The following AP2A2 variants were observed in gnomAD, a reference collection of about 807,000 sequenced individuals.
AP2A2 encodes adaptor related protein complex 2 subunit alpha 2.
AP2A2 carries 32 observed loss-of-function variants against 104.2 expected under a neutral mutation model. That is an observed-to-expected ratio of 0.31 (90% CI 0.23 to 0.41). The LOEUF is 0.41. Among genes scored for constraint, AP2A2 ranks in the 10% least tolerant of loss-of-function variants. The probability of loss-of-function intolerance (pLI) is 1.00; values close to 1 mark genes in which losing one functional copy is unlikely to be tolerated. For missense variants in AP2A2, 912 were observed against 1,261.0 expected (o/e 0.72, Z 4.19); for synonymous variants, 539 against 533.3 (o/e 1.01, Z -0.15).
At chr11:991,106 G>T (rs1564813546) in intron 10 of AP2A2, among the ~76,000 whole-genome samples, 2 of 146,646 alleles carry the variant, frequency 1.4e-5, no homozygotes, top group East Asian at 2.1e-4. Flanking sequence ...GCCGGGTATG[G>T]TGCTCCCCTC....
chr11:962,425 C>T (rs1159800290), intron 2 of AP2A2, among the ~76,000 whole-genome samples: 1 of 152,128 alleles, frequency 6.6e-6, no homozygotes, highest in Non-Finnish European at 1.5e-5. Flanking sequence ...AAAGACTTTG[C>T]TAGGCTGTTA....
intron 1 of AP2A2, among the ~76,000 whole-genome samples, chr11:931,999 C>G (rs1227985949): frequency 6.6e-6 from 1 of 151,706 alleles, no homozygotes; most frequent in Non-Finnish European, 1.5e-5. Flanking sequence ...CAGGGTTTCA[C>G]TGTATTAGCC....
intron 1 of AP2A2, among the ~76,000 whole-genome samples, chr11:954,532 CTG>C (rs751930800): frequency 3.3e-5 from 5 of 151,540 alleles, no homozygotes; most frequent in East Asian, 3.9e-4. Context: ...TTCTGTGTAT[CTG>C]TGTATTTGTA....
At chr11:936,206 C>CTTTTTTT (rs982315120) in intron 1 of AP2A2, among the ~76,000 whole-genome samples, 1 of 110,050 alleles carries the variant, frequency 9.1e-6, no homozygotes, top group African/African-American at 3.5e-5. Context: ...TGCGCCTGGC[C>CTTTTTTT]TTTTTTTTTT....
Position 994,206 on chromosome 11 carries a change from C to G in AP2A2, c.1917C>G (p.Asn639Lys). 6.2e-7 allele frequency: 1 copy of G among 1,612,888 alleles called. No individual in the cohort carries two copies. The highest frequency in any genetic ancestry group is 8.5e-7 in the Non-Finnish European group (1 of 1,179,840). The change falls in exon 14 of 22, where the codon AAC becomes AAG. Residue 639 changes from asparagine to lysine, a missense_variant. Asn to Lys is a moderately conservative substitution (Grantham distance 94). Coordinates refer to ENST00000448903, the MANE Select transcript of AP2A2 (RefSeq NM_012305.4). ...DTKRDRSVDV[N>K]GGPEPAPAST... ...AGCGGGACAGGAGTGTGGACGTGAA[C>G]GGGGGTCCTGAGCCTGCCCCAGCCA... is the stretch of plus-strand genomic sequence containing the variant.
chr11:937,583 C>T (rs999474035), intron 1 of AP2A2, among the ~76,000 whole-genome samples: 4 of 152,142 alleles, frequency 2.6e-5, no homozygotes, highest in South Asian at 2.1e-4. Flanking sequence ...GCAGCCTGGG[C>T]GACAGGATGA....
chr11:970,608 G>A (rs116229346), intron 3 of AP2A2, among the ~76,000 whole-genome samples: 2,245 of 152,358 alleles, frequency 0.015, 47 homozygotes, highest in African/African-American at 0.051. Context: ...TCCTTTCTTT[G>A]CAACCTCCCT....
chr11:1,011,146 G>A lies in AP2A2; in HGVS notation c.*521G>A, dbSNP rs1159067907. The A allele has an allele frequency of 1.8e-6, 1 of 552,490 alleles. No homozygotes were observed. Among genetic ancestry groups the A allele is most frequent in the Non-Finnish European group, 3.5e-6 (1 of 282,516 alleles). 34.2% of individuals were successfully genotyped at this position (552,490 alleles called of 1,614,324 possible). On this transcript the variant is annotated 3_prime_UTR_variant, in exon 22 of 22. Coordinates refer to ENST00000448903, the MANE Select transcript of AP2A2 (RefSeq NM_012305.4). ...AGTCCCAGCTGGACTGTTTTCCCAG[G>A]CAGGATTTTAATCTAGAATTTAGAA...
At chr11:988,157 G>A (rs546685291) in intron 9 of AP2A2, among the ~76,000 whole-genome samples, 37 of 152,364 alleles carry the variant, frequency 2.4e-4, no homozygotes, top group African/African-American at 8.2e-4. Context: ...GGGGCGTGAG[G>A]ACCTGCCTTG....
chr11:995,282 A>G (rs1590009844), intron 14 of AP2A2: 6 of 455,544 alleles, frequency 1.3e-5, no homozygotes, highest in Admixed American at 2.4e-5. Context: ...TTTTCCTTGT[A>G]TGTGTGATGC....
chr11:929,656 C>T (rs1469356604), intron 1 of AP2A2, among the ~76,000 whole-genome samples: 2 of 152,136 alleles, frequency 1.3e-5, no homozygotes, highest in African/African-American at 4.8e-5. Context: ...ATTAGCCAGG[C>T]GTGGTGGCAC....
At chr11:997,875 A>C (rs1314684882) in intron 14 of AP2A2, among the ~76,000 whole-genome samples, 1 of 152,270 alleles carries the variant, frequency 6.6e-6, no homozygotes, top group Non-Finnish European at 1.5e-5. Flanking sequence ...ACTGCACTCC[A>C]GCCTGGGTAA....
At position 1,010,578 on chromosome 11, in the gene AP2A2, G is replaced by C; in HGVS notation, c.2773G>C (p.Glu925Gln). ...CCGGCTCACGCTGCGCACAAGTAAG[G>C]AAGCCGTTTCTCAGAGATTATGTGA... ...MYRLTLRTSKEAVSQRLCELL... is the reference protein window; with the variant it reads ...MYRLTLRTSKQAVSQRLCELL... Residue 925 changes from glutamate to glutamine, a missense_variant, in exon 22 of 22, where the codon GAA (glutamate) becomes CAA (glutamine). Glu to Gln is a conservative substitution (Grantham distance 29, BLOSUM62 2). This residue lies in a region of AP2A2 where 239 missense variants were observed against 329.8 expected (regional missense o/e 0.72). Transcript: ENST00000448903. 6.3e-7 allele frequency: 1 copy of C among 1,599,174 alleles called. No homozygotes were observed. Among genetic ancestry groups the C allele is most frequent in the Non-Finnish European group, 8.5e-7 (1 of 1,173,184 alleles).
At position 984,859 on chromosome 11, in the gene AP2A2, T is replaced by C. The variant is rs80291651; in HGVS notation, c.814+106T>C. On this transcript the variant is annotated intron_variant, in intron 7 of 21. Coordinates refer to ENST00000448903, the MANE Select transcript of AP2A2 (RefSeq NM_012305.4). ...ATTTTAAGAAGTGTGTTACTAGCCC[T>C]GTCTCTTGATTCATGGACCTTTCTG... 1.8e-3 allele frequency: 1,738 copies of C among 973,744 alleles called. 26 individuals carry two copies. The highest frequency in any genetic ancestry group is 2.2e-3 in the East Asian group (90 of 41,596). 60.3% of individuals were successfully genotyped at this position (973,744 alleles called of 1,614,324 possible).
rs373125267 is a variant in AP2A2 at position 940,590 on chromosome 11, ATC to A, written c.67+14504_67+14505del. ...ACCCAAGTGCCCCTTTTTTGGTGGCATCTGTTTCTTTAAGCTGTATTTTATCT... is the reference window on the plus strand; with the variant it reads ...ACCCAAGTGCCCCTTTTTTGGTGGCATGTTTCTTTAAGCTGTATTTTATCT... On this transcript the variant is annotated intron_variant, in intron 1 of 21. Transcript: ENST00000448903. 7.4e-4 allele frequency: 201 copies of A among 270,610 alleles called. 2 individuals are homozygous for A. The highest frequency in any genetic ancestry group is 4.3e-3 in the African/African-American group (193 of 45,234). 16.8% of individuals were successfully genotyped at this position (270,610 alleles called of 1,614,324 possible). A position where few individuals can be genotyped will look rare whatever the true frequency, so the allele number is the denominator to read the frequency against.
intron 6 of AP2A2, among the ~76,000 whole-genome samples, chr11:982,763 G>A (rs1855293370): frequency 2.0e-5 from 3 of 150,760 alleles, no homozygotes; most frequent in Admixed American, 2.0e-4. Flanking sequence ...CGGTTCTCCT[G>A]CCTCAGCCTC....
intron 1 of AP2A2, among the ~76,000 whole-genome samples, chr11:949,730 A>C (rs1217235372): frequency 6.6e-6 from 1 of 151,546 alleles, no homozygotes; most frequent in Non-Finnish European, 1.5e-5. Flanking sequence ...AGCCGAGATC[A>C]CGCCACTGCA....
rs984723471 is a variant in AP2A2, at chr11:1,003,822, T to G, written c.2206+18T>G. The G allele has an allele frequency of 1.3e-6, 2 of 1,503,390 alleles. No individual in the cohort carries two copies. The highest frequency in any genetic ancestry group is 1.8e-5 in the Admixed American group (1 of 54,090). The allele number at this position is 1,503,390 out of a possible 1,614,324, so 93.1% of individuals were successfully genotyped here. Reference sequence around the variant, plus strand: ...GAATTTAGGTATGTGTTTTAATTACTTAATGAAACTGTCTCTTAGAAATAT... The same window carrying G: ...GAATTTAGGTATGTGTTTTAATTACGTAATGAAACTGTCTCTTAGAAATAT... On this transcript the variant is annotated intron_variant, in intron 16 of 21. Coordinates refer to ENST00000448903, the MANE Select transcript of AP2A2 (RefSeq NM_012305.4).
intron 1 of AP2A2, among the ~76,000 whole-genome samples, chr11:952,037 T>A (rs977982696): frequency 5.3e-5 from 8 of 152,084 alleles, no homozygotes; most frequent in Admixed American, 1.3e-4. Context: ...CCTAATTTTT[T>A]AAAAAATTAT....
Sources: allele counts gnomAD v4.1 joint callset (sites outside exome capture counted in the v4.1 genomes callset), GRCh38; gene constraint gnomAD v4.1.1; regional missense constraint gnomAD v4.1.1; transcripts MANE v1.5; gene names NCBI Gene and HGNC (gene_info 2026-07-23, HGNC 2026-07-21).